Variants in JAML observed in about 807,000 individuals in gnomAD.
The protein encoded by JAML is junctional adhesion molecule-like.
Under a neutral mutation model 39.3 loss-of-function variants are expected in JAML, and 25 were observed. The ratio of observed to expected loss-of-function variants is 0.64; its 90% CI spans 0.46 to 0.89. The LOEUF (loss-of-function observed/expected upper bound fraction) is 0.89. JAML is among the 40% of genes least tolerant of loss of function. The probability of loss-of-function intolerance (pLI) is 0.00; values close to 1 mark genes in which losing one functional copy is unlikely to be tolerated. For synonymous variants in JAML, 162 were observed against 179.2 expected, an observed-to-expected ratio of 0.90 and a Z score of 0.77; for missense variants, 440 against 486.9, an observed-to-expected ratio of 0.90 and a Z score of 0.91.
intron 7 of JAML, among the ~76,000 whole-genome samples, chr11:118,198,518 C>G (rs563986571): frequency 5.0e-4 from 76 of 152,184 alleles, no homozygotes; most frequent in African/African-American, 1.8e-3. Flanking sequence ...CCTGGCCTTT[C>G]CGGGGGGCGG....
intron 1 of JAML, among the ~76,000 whole-genome samples, chr11:118,218,431 G>A (rs1409587020): frequency 8.5e-5 from 13 of 152,096 alleles, no homozygotes; most frequent in Non-Finnish European, 8.8e-5. Flanking sequence ...TTCCTTTAGG[G>A]CATGGGCCAC....
At chr11:118,199,229 A>C (rs1948723607) in intron 7 of JAML, among the ~76,000 whole-genome samples, 2 of 152,182 alleles carry the variant, frequency 1.3e-5, no homozygotes, top group Admixed American at 1.3e-4. Context: ...ATAAACGACT[A>C]GACATGGAAG....
At chr11:118,211,370 G>A (rs1190354654) in intron 3 of JAML, among the ~76,000 whole-genome samples, 1 of 152,148 alleles carries the variant, frequency 6.6e-6, no homozygotes, top group African/African-American at 2.4e-5. Context: ...AGTCTCCCAA[G>A]TAGCTGGGAC....
chr11:118,195,892 C>T (rs370497800), intron 9 of JAML, among the ~76,000 whole-genome samples: 105 of 150,828 alleles, frequency 7.0e-4, no homozygotes, highest in African/African-American at 2.0e-3. Flanking sequence ...AGTGCAGTGG[C>T]GCGATCTTAG....
At chr11:118,200,283 G>A (rs565723374) in intron 7 of JAML, among the ~76,000 whole-genome samples, 191 bp downstream of exon 7, 11 of 152,180 alleles carry the variant, frequency 7.2e-5, no homozygotes, top group African/African-American at 1.2e-4. Flanking sequence ...TGAGGAGAGC[G>A]TAGGAATATT....
At chr11:118,199,959 GTGC>G (rs1265341259) in intron 7 of JAML, among the ~76,000 whole-genome samples, 1 of 152,080 alleles carries the variant, frequency 6.6e-6, no homozygotes, top group Non-Finnish European at 1.5e-5. Flanking sequence ...GCCTCTCAAA[GTGC>G]TGGGATTACA....
intron 3 of JAML, 79 bp from the exon 4 acceptor site, chr11:118,210,791 T>A (rs1034895223): frequency 2.4e-5 from 28 of 1,182,948 alleles, no homozygotes; most frequent in Admixed American, 2.2e-4. Context: ...CTCTGTTATG[T>A]GGGGGCAGCA....
At chr11:118,215,060 G>A (rs1239920015) in intron 1 of JAML, among the ~76,000 whole-genome samples, 174 bp from the exon 2 acceptor site, 1 of 152,122 alleles carries the variant, frequency 6.6e-6, no homozygotes, top group Non-Finnish European at 1.5e-5. Flanking sequence ...GCAGCGGGAG[G>A]TGGAGAAAAA....
chr11:118,213,067 T>A, intron 2 of JAML: 1 of 1,566,150 alleles, frequency 6.4e-7, no homozygotes, highest in South Asian at 1.2e-5. Flanking sequence ...CAGGTCCTTG[T>A]AATTAGGCCA....
intron 8 of JAML, chr11:118,197,731 A>G: frequency 2.5e-6 from 1 of 398,886 alleles, no homozygotes; most frequent in Non-Finnish European, 4.6e-6. Flanking sequence ...AGACTCAGGG[A>G]GGTGGCAGAT....
At position 118,200,606 on chromosome 11, in the gene JAML, A is replaced by G. The variant is rs1384772153; in HGVS notation, c.779T>C (p.Val260Ala). 2 of 1,614,028 alleles carry G rather than the reference A, an allele frequency of 1.2e-6. No homozygotes were observed. The highest frequency in any genetic ancestry group is 2.7e-5 in the African/African-American group (2 of 74,910). ...HVSPEEPRTL[V>A]TPAALRPLVL... ...CAGAGGCCTCAGGGCTGCCGGGGTC[A>G]CCAGTGCTTGGGAAAGTAGAAAAGC... Residue 260 changes from valine to alanine, a missense_variant, in exon 7 of 10, where the codon GTG becomes GCG. Val to Ala is a moderately conservative substitution (Grantham distance 64). Transcript: ENST00000356289.
intron 3 of JAML, among the ~76,000 whole-genome samples, chr11:118,211,903 G>A (rs1745220232): frequency 6.6e-6 from 1 of 152,080 alleles, no homozygotes; most frequent in African/African-American, 2.4e-5. Flanking sequence ...GCACATACAT[G>A]GAGCAGTGAA....
chr11:118,215,196 T>C (rs958122395), intron 1 of JAML, among the ~76,000 whole-genome samples: 6 of 152,162 alleles, frequency 3.9e-5, no homozygotes, highest in East Asian at 1.9e-4. Context: ...TAAGGGAAGA[T>C]TAGATGAAAG....
At position 118,222,897 on chromosome 11, in the gene JAML, C is replaced by T. The variant is rs1949223671; in HGVS notation, c.-21+2044G>A. ...ATCACTTGAGGTTAGGAGTTCCAGACCAGCCTGGCCAACATGGCAAAACCC... is the reference window on the plus strand; with the variant it reads ...ATCACTTGAGGTTAGGAGTTCCAGATCAGCCTGGCCAACATGGCAAAACCC... On this transcript the variant is annotated intron_variant, in intron 1 of 9. Coordinates refer to ENST00000356289, the MANE Select transcript of JAML (RefSeq NM_001098526.2). This position sits in a 1 kb window ranked among gnomAD's most constrained non-coding sequence, Gnocchi z 4.2. Among the ~76,000 whole-genome samples the T allele has an allele frequency of 6.6e-6, 1 of 152,042 alleles. No homozygotes were observed. Among genetic ancestry groups the T allele is most frequent in the African/African-American group, 2.4e-5 (1 of 41,392 alleles).
At chr11:118,202,986 G>A (rs1318153512) in intron 6 of JAML, 1 of 457,854 alleles carries the variant, frequency 2.2e-6, no homozygotes, top group Non-Finnish European at 4.4e-6. Context: ...TCTGGTGCCT[G>A]CATGTTCCTC....
chr11:118,219,008 C>T (rs760238890), intron 1 of JAML, among the ~76,000 whole-genome samples: 4 of 152,172 alleles, frequency 2.6e-5, no homozygotes, highest in Non-Finnish European at 5.9e-5. Flanking sequence ...GGTTCTTTCA[C>T]AGTATAAATT....
In JAML at chr11:118,194,159, GTC is replaced by G; in HGVS notation, c.*164_*165del. The G allele has an allele frequency of 1.6e-6, 1 of 638,780 alleles. No individual in the cohort carries two copies. Among genetic ancestry groups the G allele is most frequent in the Admixed American group, 2.3e-5 (1 of 42,854 alleles). The allele number at this position is 638,780 out of a possible 1,614,324, so 39.6% of individuals were successfully genotyped here. The stretch of plus-strand genomic sequence containing the variant: ...AGGCCTGTTCCTCCAGAGCTGTCCA[GTC>G]TCTCTGCCAGGCTCCAAATTCTCCA... On this transcript the variant is annotated 3_prime_UTR_variant, in exon 10 of 10. Transcript: ENST00000356289.
intron 6 of JAML, chr11:118,201,013 A>C (rs1312037666): frequency 6.4e-5 from 11 of 172,562 alleles, no homozygotes; most frequent in Non-Finnish European, 2.5e-5. Context: ...TGACGATACC[A>C]AGTAAAGCCT....
At chr11:118,200,980 T>G in intron 6 of JAML, 1 of 191,644 alleles carries the variant, frequency 5.2e-6, no homozygotes, top group African/African-American at 2.3e-5. Flanking sequence ...AAAGAACTCA[T>G]GCCGCAAGAC....
Sources: gnomAD v4.1 joint callset for allele counts (sites outside exome capture counted in the v4.1 genomes callset) on GRCh38, gnomAD v4.1.1 for gene constraint, Gnocchi (gnomAD v3.1) non-coding constraint, MANE v1.5 for transcripts, NCBI Gene and HGNC (gene_info 2026-07-23, HGNC 2026-07-21) for gene names.